FOXO1: variants seen among roughly 807,000 people sequenced by gnomAD.
FOXO1 encodes the protein forkhead box protein O1.
Under a neutral mutation model 44.1 loss-of-function variants are expected in FOXO1, and 6 were observed. The observed-to-expected ratio is 0.14, with a 90% CI of 0.07 to 0.27. The LOEUF (loss-of-function observed/expected upper bound fraction) is 0.27, where lower values mean the gene tolerates loss of function less well. FOXO1 is among the 10% of genes least tolerant of loss of function. The probability of loss-of-function intolerance (pLI) is 1.00; values close to 1 mark genes in which losing one functional copy is unlikely to be tolerated. For missense variants in FOXO1, 737 were observed against 888.8 expected (o/e 0.83, Z 2.17); for synonymous variants, 380 against 362.7 (o/e 1.05, Z -0.54).
chr13:40,590,808 A>G (rs745511802), intron 1 of FOXO1, among the ~76,000 whole-genome samples: 7 of 152,280 alleles, frequency 4.6e-5, no homozygotes, highest in Non-Finnish European at 7.4e-5. Context: ...AGAGATTTAA[A>G]CATTTCACCT....
chr13:40,563,768 C>A (rs911791388), intron 1 of FOXO1, among the ~76,000 whole-genome samples: 2 of 152,168 alleles, frequency 1.3e-5, no homozygotes, highest in African/African-American at 4.8e-5. Context: ...GCCACACACA[C>A]ACATGTATGC....
At chr13:40,592,773 A>G (rs1875431676) in intron 1 of FOXO1, among the ~76,000 whole-genome samples, 1 of 152,126 alleles carries the variant, frequency 6.6e-6, no homozygotes, top group African/African-American at 2.4e-5. Context: ...CTATTTTCCA[A>G]TCCTTTACAC....
chr13:40,570,848 C>G (rs914085197), intron 1 of FOXO1, among the ~76,000 whole-genome samples: 1 of 152,098 alleles, frequency 6.6e-6, no homozygotes, highest in Non-Finnish European at 1.5e-5. Context: ...ACAAACTACC[C>G]CAAAAAGACA....
At chr13:40,623,977 G>A (rs1876703742) in intron 1 of FOXO1, among the ~76,000 whole-genome samples, 2 of 149,428 alleles carry the variant, frequency 1.3e-5, no homozygotes, top group African/African-American at 2.5e-5. Context: ...GGTGGCGCAC[G>A]CCTGTAGTCC....
At chr13:40,608,948 T>C (rs1375201251) in intron 1 of FOXO1, among the ~76,000 whole-genome samples, 4 of 152,214 alleles carry the variant, frequency 2.6e-5, no homozygotes, top group Non-Finnish European at 5.9e-5. Context: ...TCACTGCAGG[T>C]ACTAAAGATT....
intron 1 of FOXO1, among the ~76,000 whole-genome samples, chr13:40,598,088 A>G (rs566758381): frequency 2.6e-5 from 4 of 152,182 alleles, no homozygotes; most frequent in Admixed American, 6.5e-5. Flanking sequence ...GACAGGGAAT[A>G]AAATCCTCTA....
chr13:40,564,884 C>G (rs917731215), intron 1 of FOXO1, among the ~76,000 whole-genome samples: 5 of 147,630 alleles, frequency 3.4e-5, no homozygotes, highest in African/African-American at 1.2e-4. Flanking sequence ...TGCCTGGCCA[C>G]CCCAAGCAGT....
intron 1 of FOXO1, among the ~76,000 whole-genome samples, chr13:40,567,364 C>T (rs1056185290): frequency 6.6e-6 from 1 of 151,944 alleles, no homozygotes; most frequent in African/African-American, 2.4e-5. Flanking sequence ...TAGTTTACTG[C>T]TGTCAATACA....
intron 1 of FOXO1, among the ~76,000 whole-genome samples, chr13:40,581,823 C>T (rs1874966710): frequency 6.6e-6 from 1 of 152,132 alleles, no homozygotes; most frequent in Non-Finnish European, 1.5e-5. Flanking sequence ...ATGGTGTTTA[C>T]CTTAAATGAT....
At chr13:40,616,835 G>A (rs374291352) in intron 1 of FOXO1, among the ~76,000 whole-genome samples, 17 of 152,170 alleles carry the variant, frequency 1.1e-4, no homozygotes, top group Middle Eastern at 3.4e-3. Flanking sequence ...GTCTAGATCC[G>A]GAGCCAGAGC....
intron 1 of FOXO1, among the ~76,000 whole-genome samples, chr13:40,572,814 A>G (rs921953916): frequency 5.3e-5 from 8 of 152,158 alleles, no homozygotes; most frequent in African/African-American, 1.9e-4. Context: ...GCAGAGCACA[A>G]TTACACTCTA....
intron 1 of FOXO1, among the ~76,000 whole-genome samples, chr13:40,632,729 T>C (rs1431764186): frequency 6.6e-6 from 1 of 150,454 alleles, no homozygotes; most frequent in African/African-American, 2.4e-5. Context: ...GACTACCTGA[T>C]GTCAGGAGTT....
intron 1 of FOXO1, among the ~76,000 whole-genome samples, chr13:40,613,528 C>G (rs910834134): frequency 6.6e-6 from 1 of 152,124 alleles, no homozygotes; most frequent in Admixed American, 6.5e-5. Context: ...CAGCTCCGGT[C>G]CCCATCTGCA....
At chr13:40,566,089 C>T (rs1428020106) in intron 1 of FOXO1, among the ~76,000 whole-genome samples, 1 of 152,216 alleles carries the variant, frequency 6.6e-6, no homozygotes, top group African/African-American at 2.4e-5. Flanking sequence ...CATGTGCAGG[C>T]ATCACACATT....
Position 40,666,165 on chromosome 13 carries a change from C to T in FOXO1, c.48G>A (p.Pro16=), listed in dbSNP as rs2137951125. ...AGGTGCACGAGCGCGGCCGGGGCAG[C>T]GGCTCGAAGTCCGGGTCGATCTCCA... is the stretch of plus-strand genomic sequence containing the variant. ...QVVEIDPDFE[P]LPRPRSCTWP... is the part of the protein sequence containing the mutation. Residue 16 remains proline (P), a synonymous_variant, in exon 1 of 3, where the codon CCG becomes CCA. Coordinates refer to ENST00000379561, the MANE Select transcript of FOXO1 (RefSeq NM_002015.4). 1 of 1,459,174 alleles carries T rather than the reference C, an allele frequency of 6.9e-7. No homozygotes were observed. Among genetic ancestry groups the T allele is most frequent in the Non-Finnish European group, 9.0e-7 (1 of 1,108,730 alleles). 90.4% of individuals were successfully genotyped at this position (1,459,174 alleles called of 1,614,324 possible).
At chr13:40,613,180 T>C (rs988449721) in intron 1 of FOXO1, among the ~76,000 whole-genome samples, 8 of 152,146 alleles carry the variant, frequency 5.3e-5, no homozygotes, top group Non-Finnish European at 1.0e-4. Context: ...CAATAAGAGA[T>C]AGCAAAGTCA....
chr13:40,644,831 G>A (rs1877461521), intron 1 of FOXO1, among the ~76,000 whole-genome samples: 1 of 152,138 alleles, frequency 6.6e-6, no homozygotes. Flanking sequence ...CCAGTCCATG[G>A]TCTCATATTC....
chr13:40,584,491 A>AAAAAAAAAAAAAAAAAC, intron 1 of FOXO1, among the ~76,000 whole-genome samples: 1 of 123,462 alleles, frequency 8.1e-6, no homozygotes, highest in Non-Finnish European at 1.8e-5. Flanking sequence ...AAAAAAAAAA[A>AAAAAAAAAAAAAAAAAC]AAAAAAAAAA....
intron 1 of FOXO1, among the ~76,000 whole-genome samples, chr13:40,641,489 G>C (rs1362153722): frequency 6.6e-6 from 1 of 151,796 alleles, no homozygotes; most frequent in East Asian, 1.9e-4. Flanking sequence ...GAGCCAGTAA[G>C]ACTTCTACCA....
Sources: gnomAD v4.1 joint callset for allele counts (sites outside exome capture counted in the v4.1 genomes callset) on GRCh38, gnomAD v4.1.1 for gene constraint, MANE v1.5 for transcripts, NCBI Gene and HGNC (gene_info 2026-07-23, HGNC 2026-07-21) for gene names.